The following EHMT1 variants were observed in gnomAD, a reference collection of about 807,000 sequenced individuals.
EHMT1 encodes euchromatic histone lysine methyltransferase 1, also known as histone-lysine N-methyltransferase EHMT1.
Under a neutral mutation model 147.2 loss-of-function variants are expected in EHMT1, and 15 were observed. That is an observed-to-expected ratio of 0.10 (90% CI 0.07 to 0.16). The LOEUF (loss-of-function observed/expected upper bound fraction) is 0.16. Among genes scored for constraint, EHMT1 ranks in the 10% least tolerant of loss-of-function variants. The probability of loss-of-function intolerance (pLI) is 1.00; values close to 1 mark genes in which losing one functional copy is unlikely to be tolerated. For synonymous variants in EHMT1, 795 were observed against 709.6 expected (o/e 1.12, Z -1.91); for missense variants, 1,587 against 1,772.4 (o/e 0.90, Z 1.88).
chr9:137,820,256 T>A (rs1955297346), intron 25 of EHMT1: 1 of 152,212 alleles, frequency 6.6e-6, no homozygotes, highest in Non-Finnish European at 1.5e-5. Context: ...CCCTGTGCAG[T>A]GGGGCTGAGC....
At chr9:137,639,735 C>T (rs568429693) in intron 1 of EHMT1, among the ~76,000 whole-genome samples, 100 of 152,192 alleles carry the variant, frequency 6.6e-4, no homozygotes, top group African/African-American at 2.1e-3. Flanking sequence ...CATCTGAGAT[C>T]GGATCTTGTA....
intron 1 of EHMT1, among the ~76,000 whole-genome samples, chr9:137,662,612 G>A (rs1939197055): frequency 6.6e-6 from 1 of 151,962 alleles, no homozygotes; most frequent in African/African-American, 2.4e-5. Context: ...CAACTCTCCT[G>A]CCTCAGTCTC....
At chr9:137,663,443 G>T (rs541976897) in intron 1 of EHMT1, among the ~76,000 whole-genome samples, 1 of 152,274 alleles carries the variant, frequency 6.6e-6, no homozygotes, top group East Asian at 1.9e-4. Flanking sequence ...CTGTGTGCTG[G>T]AGTGGACTGC....
intron 2 of EHMT1, among the ~76,000 whole-genome samples, chr9:137,712,598 T>C (rs373024241): frequency 1.3e-5 from 2 of 152,348 alleles, no homozygotes; most frequent in South Asian, 2.1e-4. Flanking sequence ...TGGAGAAATA[T>C]CTCTTCTCCT....
Position 137,717,626 on chromosome 9 carries a change from A to G in EHMT1, c.642+444A>G, listed in dbSNP as rs866009028. On this transcript the variant is annotated intron_variant, in intron 3 of 26. Coordinates refer to ENST00000460843, the MANE Select transcript of EHMT1 (RefSeq NM_024757.5). ...GTCTCAAAAAAAAAAAAAAAAAAAAAGAGATGCTGCTAATGCCTTGTGCGT... is the reference window on the plus strand; with the variant it reads ...GTCTCAAAAAAAAAAAAAAAAAAAAGGAGATGCTGCTAATGCCTTGTGCGT... Among the ~76,000 whole-genome samples, 16 of 140,304 alleles carry G rather than the reference A, an allele frequency of 1.1e-4. No individual in the cohort carries two copies. In the East Asian group the frequency reaches 1.4e-3, roughly 12 times the overall value. 92.0% of individuals were successfully genotyped at this position (140,304 alleles called of 152,430 possible).
chr9:137,667,175 C>A (rs993789559), intron 1 of EHMT1: 1 of 152,158 alleles, frequency 6.6e-6, no homozygotes, highest in Non-Finnish European at 1.5e-5. Flanking sequence ...ATGCTGTGCA[C>A]TGGAAATTGG....
At chr9:137,644,562 G>A (rs1174223106) in intron 1 of EHMT1, among the ~76,000 whole-genome samples, 15 of 151,854 alleles carry the variant, frequency 9.9e-5, no homozygotes, top group Admixed American at 3.3e-4. Flanking sequence ...TCCTGACCTC[G>A]TGATCCACCC....
rs759316745 is a variant in EHMT1, at chr9:137,828,073, G to T, written c.3541-6276G>T. Among the ~76,000 whole-genome samples the T allele has an allele frequency of 6.6e-6, 1 of 152,180 alleles. No homozygotes were observed. Among genetic ancestry groups the T allele is most frequent in the Non-Finnish European group, 1.5e-5 (1 of 68,034 alleles). On this transcript the variant is annotated intron_variant, in intron 25 of 26. Coordinates refer to ENST00000460843, the MANE Select transcript of EHMT1 (RefSeq NM_024757.5). The surrounding 1 kb of genome is among the most constrained non-coding windows in gnomAD (Gnocchi z 5.3). Reference sequence around the variant, plus strand: ...CGGCTGCCATCGTGGGAGGGACGTGGACGAACGGCACGCAGTGGGAGGCCA... The same window carrying T: ...CGGCTGCCATCGTGGGAGGGACGTGTACGAACGGCACGCAGTGGGAGGCCA...
intron 1 of EHMT1, among the ~76,000 whole-genome samples, chr9:137,648,975 T>C (rs942634287): frequency 2.0e-5 from 3 of 152,220 alleles, no homozygotes; most frequent in African/African-American, 4.8e-5. Context: ...TACCATCTTA[T>C]CCATTTGCCA....
intron 1 of EHMT1, among the ~76,000 whole-genome samples, chr9:137,703,578 G>A (rs982091212): frequency 3.3e-5 from 5 of 152,110 alleles, no homozygotes; most frequent in Non-Finnish European, 7.4e-5. Flanking sequence ...ACACAGTGCC[G>A]CCTGTCTCTT....
intron 1 of EHMT1, among the ~76,000 whole-genome samples, chr9:137,677,024 C>T (rs1158091829): frequency 1.3e-5 from 2 of 152,088 alleles, no homozygotes; most frequent in African/African-American, 2.4e-5. Flanking sequence ...AATTCTCCAA[C>T]GCTTTTGTTG....
rs540561282 is a variant in EHMT1 at position 137,834,767 on chromosome 9, C to A, written c.3717-6C>A. 5 of 1,613,480 alleles carry A rather than the reference C, an allele frequency of 3.1e-6. No individual in the cohort carries two copies. The highest frequency in any genetic ancestry group is 4.2e-6 in the Non-Finnish European group (5 of 1,179,772). The stretch of plus-strand genomic sequence containing the variant: ...ACTTGGAGCCTTGGTTCTGTTCCCT[C>A]CCCAGGTTTGACTATGGAGAGCGCT... On this transcript the variant is annotated splice_polypyrimidine_tract_variant and splice_region_variant and intron_variant, in intron 26 of 26. Transcript: ENST00000460843.
Position 137,816,053 on chromosome 9 carries a change from A to G in EHMT1, c.3365A>G (p.Asn1122Ser). Residue 1122 changes from asparagine (N) to serine (S), a missense_variant, in exon 23 of 27, where the codon AAT becomes AGT. Asn to Ser is a conservative substitution (Grantham distance 46). Transcript: ENST00000460843. The stretch of plus-strand genomic sequence containing the variant: ...AACTGCCGAAATCGCGTCGTACAGA[A>G]TGGTCTCAGGTGAGAGGCAGCTTCC... ...WRNCRNRVVQ[N>S]GLRARLQLYR... 1 of 1,611,736 alleles carries G rather than the reference A, an allele frequency of 6.2e-7. No homozygotes were observed. Among genetic ancestry groups the G allele is most frequent in the African/African-American group, 1.3e-5 (1 of 74,992 alleles).
At chr9:137,771,766 G>A (rs998102247) in intron 10 of EHMT1, among the ~76,000 whole-genome samples, 3 of 152,158 alleles carry the variant, frequency 2.0e-5, no homozygotes, top group African/African-American at 4.8e-5. Context: ...GGGCAGCGTC[G>A]GGCAGAGAGG....
chr9:137,646,037 C>T (rs1234188142), intron 1 of EHMT1, among the ~76,000 whole-genome samples: 2 of 152,068 alleles, frequency 1.3e-5, no homozygotes, highest in East Asian at 3.8e-4. Flanking sequence ...CAGCTCACTG[C>T]AGCCTCTGTC....
chr9:137,729,179 G>A (rs1946882620), intron 4 of EHMT1, among the ~76,000 whole-genome samples: 1 of 152,088 alleles, frequency 6.6e-6, no homozygotes, highest in Non-Finnish European at 1.5e-5. Flanking sequence ...CTTCCTGCCA[G>A]CCCTCGTGAA....
intron 8 of EHMT1, among the ~76,000 whole-genome samples, 153 bp downstream of exon 8, chr9:137,754,444 T>A (rs1232010325): frequency 6.6e-6 from 1 of 152,194 alleles, no homozygotes; most frequent in Admixed American, 6.5e-5. Flanking sequence ...TTAGAGAAAC[T>A]CAAGTGATTC....
At chr9:137,764,410 T>C (rs1950081917) in intron 10 of EHMT1, 1 of 152,238 alleles carries the variant, frequency 6.6e-6, no homozygotes, top group African/African-American at 2.4e-5. Context: ...GCCTCTCACT[T>C]GTTTCAAAAG....
At chr9:137,701,130 G>A (rs186148664) in intron 1 of EHMT1, among the ~76,000 whole-genome samples, 3 of 152,022 alleles carry the variant, frequency 2.0e-5, no homozygotes, top group Admixed American at 2.0e-4. Flanking sequence ...GGGAACGTCC[G>A]CCCCCATGAT....
Sources: gnomAD v4.1 joint callset for allele counts (sites outside exome capture counted in the v4.1 genomes callset) on GRCh38, gnomAD v4.1.1 for gene constraint, Gnocchi (gnomAD v3.1) non-coding constraint, MANE v1.5 for transcripts, NCBI Gene and HGNC (gene_info 2026-07-23, HGNC 2026-07-21) for gene names.